NCAM2: variants seen among roughly 807,000 people sequenced by gnomAD.
The protein encoded by NCAM2 is N-CAM-2.
Under a neutral mutation model 98.1 loss-of-function variants are expected in NCAM2, and 30 were observed. The ratio of observed to expected loss-of-function variants is 0.31; its 90% CI spans 0.23 to 0.41. NCAM2 has a LOEUF of 0.41. Among genes scored for constraint, NCAM2 ranks in the 10% least tolerant of loss-of-function variants. The pLI is 1.00. For synonymous variants in NCAM2, 368 were observed against 342.4 expected, an observed-to-expected ratio of 1.07 and a Z score of -0.83; for missense variants, 867 against 1,005.8, an observed-to-expected ratio of 0.86 and a Z score of 1.87.
At chr21:21,428,132 G>A (rs2077255468) in intron 11 of NCAM2, among the ~76,000 whole-genome samples, 1 of 152,130 alleles carries the variant, frequency 6.6e-6, no homozygotes. Context: ...TGAAGAGAAA[G>A]GGTAATTAAA....
At chr21:21,533,121 G>A (rs1395025077) in intron 16 of NCAM2, among the ~76,000 whole-genome samples, 1 of 136,776 alleles carries the variant, frequency 7.3e-6, no homozygotes, top group African/African-American at 2.7e-5. Context: ...AGCATTTGTA[G>A]AGTCTGTTCA....
At chr21:21,117,123 T>A (rs916578626) in intron 1 of NCAM2, among the ~76,000 whole-genome samples, 1 of 152,220 alleles carries the variant, frequency 6.6e-6, no homozygotes, top group Non-Finnish European at 1.5e-5. Context: ...ATCAAATTAA[T>A]ATATCCAGCA....
chr21:21,128,337 A>G (rs965624051), intron 1 of NCAM2, among the ~76,000 whole-genome samples: 1 of 152,096 alleles, frequency 6.6e-6, no homozygotes, highest in Non-Finnish European at 1.5e-5. Flanking sequence ...TGGTATTCAC[A>G]GGAAATTTGT....
At chr21:21,495,385 G>A (rs150292838) in intron 15 of NCAM2, among the ~76,000 whole-genome samples, 10 of 151,994 alleles carry the variant, frequency 6.6e-5, no homozygotes, top group South Asian at 2.1e-4. Context: ...GTGGAAATGG[G>A]CATGGAATAG....
At chr21:21,313,864 G>A (rs975976397) in intron 5 of NCAM2, among the ~76,000 whole-genome samples, 2 of 151,978 alleles carry the variant, frequency 1.3e-5, no homozygotes, top group Non-Finnish European at 2.9e-5. Context: ...GTGGGGAGGG[G>A]GTGTTGCCGT....
At chr21:21,264,970 C>CATATATAATATATATGTGTATATAT (rs2072102389) in intron 1 of NCAM2, among the ~76,000 whole-genome samples, 3 of 123,420 alleles carry the variant, frequency 2.4e-5, no homozygotes, top group Non-Finnish European at 5.1e-5. Flanking sequence ...TGTATATATA[C>CATATATAATATATATGTGTATATAT]ACATATATAT....
chr21:21,039,349 T>A lies in NCAM2; in HGVS notation c.55+40731T>A, dbSNP rs180881481. On this transcript the variant is annotated intron_variant, in intron 1 of 17. Transcript: ENST00000400546. ...AAAGATATCCCTTAATAATCCACCA[T>A]TGGGAAAGAATAAGTTCTAATGTTC... is the stretch of plus-strand genomic sequence containing the variant. 2.6e-5 allele frequency among the ~76,000 whole-genome samples: 4 copies of A among 152,304 alleles called. 1 individual carries two copies. Among genetic ancestry groups the A allele is most frequent in the Non-Finnish European group, 5.9e-5 (4 of 68,018 alleles).
intron 6 of NCAM2, among the ~76,000 whole-genome samples, chr21:21,330,555 C>T (rs1402338305): frequency 6.6e-6 from 1 of 151,716 alleles, no homozygotes; most frequent in East Asian, 1.9e-4. Context: ...ATGTGTATTC[C>T]ACTATTATTG....
intron 1 of NCAM2, among the ~76,000 whole-genome samples, chr21:21,077,542 T>G (rs1459798261): frequency 6.6e-6 from 1 of 152,166 alleles, no homozygotes; most frequent in East Asian, 1.9e-4. Flanking sequence ...GTAACAAATT[T>G]TATGTGCTCT....
intron 1 of NCAM2, among the ~76,000 whole-genome samples, chr21:21,154,822 G>A (rs1416744964): frequency 6.6e-6 from 1 of 151,798 alleles, no homozygotes; most frequent in Non-Finnish European, 1.5e-5. Context: ...AAAATAGAAG[G>A]TCAAAACCAG....
At chr21:21,460,205 C>T (rs1235357047) in intron 12 of NCAM2, among the ~76,000 whole-genome samples, 2 of 151,516 alleles carry the variant, frequency 1.3e-5, no homozygotes, top group Admixed American at 6.6e-5. Flanking sequence ...CCTTATAATT[C>T]GCGTTTATGA....
chr21:21,337,033 C>G (rs2074891214), intron 7 of NCAM2, among the ~76,000 whole-genome samples: 1 of 151,916 alleles, frequency 6.6e-6, no homozygotes, highest in African/African-American at 2.4e-5. Flanking sequence ...ATAGAAAGTC[C>G]CTAACTTGTT....
At chr21:21,242,424 T>A (rs1374274764) in intron 1 of NCAM2, among the ~76,000 whole-genome samples, 2 of 152,218 alleles carry the variant, frequency 1.3e-5, no homozygotes, top group African/African-American at 4.8e-5. Flanking sequence ...TACAATAGAT[T>A]GATAAAGCTT....
intron 9 of NCAM2, among the ~76,000 whole-genome samples, chr21:21,406,792 A>G (rs1056598635): frequency 6.6e-5 from 10 of 152,324 alleles, no homozygotes; most frequent in South Asian, 2.1e-4. Context: ...TCCTTAAGAT[A>G]TGCTTCCATA....
At chr21:21,268,295 G>A (rs1649852385) in intron 1 of NCAM2, among the ~76,000 whole-genome samples, 1 of 152,144 alleles carries the variant, frequency 6.6e-6, no homozygotes, top group Non-Finnish European at 1.5e-5. Flanking sequence ...CAAGTCTAAT[G>A]ACTGAAGCTA....
chr21:21,046,720 C>T (rs1042594870), intron 1 of NCAM2, among the ~76,000 whole-genome samples: 2 of 152,110 alleles, frequency 1.3e-5, no homozygotes, highest in African/African-American at 2.4e-5. Context: ...TTCAGGGAAA[C>T]TTAATTCTTA....
At chr21:21,411,219 C>T (rs1260579337) in intron 10 of NCAM2, among the ~76,000 whole-genome samples, 2 of 128,088 alleles carry the variant, frequency 1.6e-5, no homozygotes, top group Admixed American at 8.1e-5. Context: ...AAAATTTTTC[C>T]ATATATATAT....
chr21:21,107,070 T>C (rs140468357), intron 1 of NCAM2, among the ~76,000 whole-genome samples: 145 of 152,276 alleles, frequency 9.5e-4, no homozygotes, highest in Middle Eastern at 6.8e-3. Context: ...GCTTTTCATA[T>C]TTATTTGATA....
At chr21:21,214,457 G>T (rs2069784180) in intron 1 of NCAM2, among the ~76,000 whole-genome samples, 1 of 152,026 alleles carries the variant, frequency 6.6e-6, no homozygotes, top group Non-Finnish European at 1.5e-5. Context: ...CCAATTAACT[G>T]CAATGCCTTA....
Sources: allele counts gnomAD v4.1 joint callset (sites outside exome capture counted in the v4.1 genomes callset), GRCh38; gene constraint gnomAD v4.1.1; transcripts MANE v1.5; gene names NCBI Gene and HGNC (gene_info 2026-07-23, HGNC 2026-07-21).